XKR7: variants seen among roughly 807,000 people sequenced by gnomAD.
XKR7 encodes the protein XK-related protein 7.
Under a neutral mutation model 42.2 loss-of-function variants are expected in XKR7, and 11 were observed. The ratio of observed to expected loss-of-function variants is 0.26; its 90% CI spans 0.16 to 0.43. XKR7 has a LOEUF of 0.43. XKR7 is among the 20% of genes least tolerant of loss of function. The pLI is 1.00. For synonymous variants in XKR7, 346 were observed against 366.4 expected, an observed-to-expected ratio of 0.94 and a Z score of 0.64; for missense variants, 710 against 802.2, an observed-to-expected ratio of 0.89 and a Z score of 1.39.
chr20:31,976,848 C>T (rs949202095), intron 1 of XKR7, among the ~76,000 whole-genome samples: 2 of 152,208 alleles, frequency 1.3e-5, no homozygotes, highest in African/African-American at 2.4e-5. Context: ...CTGGCTTTCC[C>T]GCTGGATCAC....
Position 31,995,002 on chromosome 20 carries a change from G to A in XKR7, c.585-66G>A. ...TGCCCCCTGCGCCTGTGGGCGGCTC[G>A]GGGCTGGTGCGACAGAGCGAGAGGA... On this transcript the variant is annotated intron_variant, in intron 1 of 2. Transcript: ENST00000562532. The surrounding 1 kb of genome is among the most constrained non-coding windows in gnomAD (Gnocchi z 4.1). The A allele has an allele frequency of 9.2e-6, 14 of 1,527,602 alleles. No individual in the cohort carries two copies. The highest frequency in any genetic ancestry group is 2.4e-5 in the South Asian group (2 of 82,136). 94.6% of individuals were successfully genotyped at this position (1,527,602 alleles called of 1,614,324 possible). A position where few individuals can be genotyped will look rare whatever the true frequency, so the allele number is the denominator to read the frequency against.
At position 31,997,225 on chromosome 20, in the gene XKR7, T is replaced by C; in HGVS notation, c.1508T>C (p.Val503Ala). The change falls in exon 3 of 3, where the codon GTG (valine) becomes GCG (alanine). Residue 503 changes from valine (V) to alanine (A), a missense_variant. This residue lies in a region of XKR7 where 708 missense variants were observed against 786.2 expected (regional missense o/e 0.90). Coordinates refer to ENST00000562532, the MANE Select transcript of XKR7 (RefSeq NM_001011718.2). Reference protein sequence around the residue: ...AGTPTPPVFQVRPGLPPTPVA... With the variant: ...AGTPTPPVFQARPGLPPTPVA... Reference sequence around the variant, plus strand: ...ACCCCCACCCCACCTGTCTTCCAGGTGCGGCCTGGCTTGCCTCCCACACCA... The same window carrying C: ...ACCCCCACCCCACCTGTCTTCCAGGCGCGGCCTGGCTTGCCTCCCACACCA... 1 of 1,611,288 alleles carries C rather than the reference T, an allele frequency of 6.2e-7. No individual in the cohort carries two copies. Among genetic ancestry groups the C allele is most frequent in the Middle Eastern group, 1.6e-4 (1 of 6,062 alleles).
Position 31,999,036 on chromosome 20 carries a change from A to AC in XKR7, c.*1586dup, listed in dbSNP as rs750312160. 19,561 of 106,334 alleles carry AC rather than the reference A, an allele frequency of 0.18. 937 individuals carry two copies. The highest frequency in any genetic ancestry group is 0.28 in the Middle Eastern group (58 of 204). The allele number at this position is 106,334 out of a possible 1,614,324, so 6.6% of individuals were successfully genotyped here. On this transcript the variant is annotated 3_prime_UTR_variant, in exon 3 of 3. Transcript: ENST00000562532. ...GAGCTGGGAACCCAACCCACCCCCC[A>AC]CCCCCCCACACACACACTCCCACAG...
At chr20:31,985,494 G>A (rs2064533766) in intron 1 of XKR7, among the ~76,000 whole-genome samples, 1 of 151,902 alleles carries the variant, frequency 6.6e-6, no homozygotes, top group African/African-American at 2.4e-5. Flanking sequence ...ACCAAGCCAC[G>A]AGCTGAGCAA....
rs530229497 is a variant in XKR7, at chr20:31,997,227, C to G, written c.1510C>G (p.Arg504Gly). The G allele has an allele frequency of 1.9e-6, 3 of 1,611,210 alleles. No homozygotes were observed. The highest frequency in any genetic ancestry group is 2.2e-5 in the South Asian group (2 of 91,048). ...CCCCACCCCACCTGTCTTCCAGGTG[C>G]GGCCTGGCTTGCCTCCCACACCAGT... ...GTPTPPVFQV[R>G]PGLPPTPVAR... The change falls in exon 3 of 3, where the codon CGG becomes GGG. Residue 504 changes from arginine to glycine, a missense_variant. Around this residue, in one of 2 missense-constraint regions of XKR7, gnomAD observed 708 missense variants for 786.2 expected, o/e 0.90. Transcript: ENST00000562532.
chr20:32,003,150 C>T lies in XKR7; in HGVS notation c.*5693C>T, dbSNP rs923439560. ...GTCGTCTCTTCCTCCCTAACGGGCC[C>T]TCACCCCTGTCCTCTTCTGTTTCCT... On this transcript the variant is annotated 3_prime_UTR_variant, in exon 3 of 3. Coordinates refer to ENST00000562532, the MANE Select transcript of XKR7 (RefSeq NM_001011718.2). The T allele has an allele frequency of 1.3e-5, 2 of 152,374 alleles. No individual in the cohort carries two copies. The highest frequency in any genetic ancestry group is 2.9e-5 in the Non-Finnish European group (2 of 68,164). The allele number at this position is 152,374 out of a possible 1,614,324, so 9.4% of individuals were successfully genotyped here.
intron 1 of XKR7, chr20:31,970,696 TAGAA>T (rs2064461337): frequency 6.6e-6 from 1 of 152,208 alleles, no homozygotes; most frequent in African/African-American, 2.4e-5. Context: ...TGTAACAATT[TAGAA>T]AGAGTCTATG....
intron 1 of XKR7, among the ~76,000 whole-genome samples, chr20:31,973,668 A>G (rs1360638996): frequency 6.6e-6 from 1 of 151,942 alleles, no homozygotes; most frequent in Non-Finnish European, 1.5e-5. Context: ...CAGGCAAAGG[A>G]AAAGGGAAGG....
intron 1 of XKR7, among the ~76,000 whole-genome samples, chr20:31,985,218 C>T (rs1294404295): frequency 6.6e-6 from 1 of 152,122 alleles, no homozygotes; most frequent in Non-Finnish European, 1.5e-5. Flanking sequence ...GATCTGCAGA[C>T]CCTGGCCCGC....
rs1376877371 is a variant in XKR7, at chr20:32,002,963, T to C, written c.*5506T>C. 1 of 152,166 alleles carries C rather than the reference T, an allele frequency of 6.6e-6. No individual in the cohort carries two copies. The highest frequency in any genetic ancestry group is 6.5e-5 in the Admixed American group (1 of 15,284). The allele number at this position is 152,166 out of a possible 1,614,324, so 9.4% of individuals were successfully genotyped here. ...AGCCCAAGGTCACACAGCAAGTTGG[T>C]GGCAGGGTGAGACCAGAACCCGGTT... On this transcript the variant is annotated 3_prime_UTR_variant, in exon 3 of 3. Coordinates refer to ENST00000562532, the MANE Select transcript of XKR7 (RefSeq NM_001011718.2).
intron 1 of XKR7, among the ~76,000 whole-genome samples, chr20:31,993,069 C>A (rs1351982799): frequency 6.6e-6 from 1 of 151,406 alleles, no homozygotes; most frequent in Non-Finnish European, 1.5e-5. Context: ...GTCAGAGAAT[C>A]TGTGTAAGGG....
At chr20:31,988,456 A>G (rs2064553095) in intron 1 of XKR7, among the ~76,000 whole-genome samples, 2 of 152,098 alleles carry the variant, frequency 1.3e-5, no homozygotes, top group South Asian at 4.2e-4. Context: ...GAGGGATTTC[A>G]TACTCTAGCT....
At chr20:31,970,114 G>A (rs182001965) in intron 1 of XKR7, 3 of 152,336 alleles carry the variant, frequency 2.0e-5, no homozygotes, top group Admixed American at 1.3e-4. Context: ...TCCACACAAG[G>A]TGGTGTTATT....
intron 1 of XKR7, among the ~76,000 whole-genome samples, chr20:31,978,312 A>G (rs916396081): frequency 2.0e-5 from 3 of 151,890 alleles, no homozygotes; most frequent in African/African-American, 7.3e-5. Flanking sequence ...GTCTCACTAT[A>G]TTGCCCAGGC....
chr20:31,968,568 C>T lies in XKR7; in HGVS notation c.393C>T (p.Asp131=), dbSNP rs766506768. 5.0e-5 allele frequency: 80 copies of T among 1,610,286 alleles called. No homozygotes were observed. Among genetic ancestry groups the T allele is most frequent in the Non-Finnish European group, 6.5e-5 (77 of 1,178,936 alleles). Residue 131 remains aspartate (D), a synonymous_variant, in exon 1 of 3, where the codon GAC becomes GAT. Transcript: ENST00000562532. This position sits in a 1 kb window ranked among gnomAD's most constrained non-coding sequence, Gnocchi z 4.5. The part of the protein sequence containing the change: ...GSPGPAVSTK[D]SVAGGAAIST... ...CGGGACCCGCCGTCAGCACCAAGGA[C>T]AGCGTAGCCGGCGGAGCCGCCATCA...
chr20:31,973,721 A>G (rs928982959), intron 1 of XKR7, among the ~76,000 whole-genome samples: 7 of 152,114 alleles, frequency 4.6e-5, no homozygotes, highest in African/African-American at 1.7e-4. Flanking sequence ...TGAGGGGAGC[A>G]TGTTTGGAGA....
At chr20:31,972,173 T>C (rs2064468407) in intron 1 of XKR7, among the ~76,000 whole-genome samples, 1 of 152,088 alleles carries the variant, frequency 6.6e-6, no homozygotes, top group Non-Finnish European at 1.5e-5. Context: ...ACCTACCGTG[T>C]CCCCACAGGC....
rs533535077 is a variant in XKR7 at position 31,995,095 on chromosome 20, G to T, written c.612G>T (p.Leu204=). 37 of 1,554,186 alleles carry T rather than the reference G, an allele frequency of 2.4e-5. No homozygotes were observed. The African/African-American group carries it at 3.7e-4, about 15-fold the overall frequency. The part of the protein sequence containing the change: ...WRYLRALYLG[L]QSRWRGERLR... ...ACCTGCGCGCCCTGTACCTGGGGCT[G>T]CAGAGCCGCTGGCGCGGGGAGCGGC... The change falls in exon 2 of 3, where the codon CTG becomes CTT. Residue 204 remains leucine, a synonymous_variant. Transcript: ENST00000562532. This position sits in a 1 kb window ranked among gnomAD's most constrained non-coding sequence, Gnocchi z 4.1.
In XKR7 at chr20:31,993,629, A is replaced by G. The variant is rs373886600; in HGVS notation, c.585-1439A>G. Among the ~76,000 whole-genome samples, 307 of 152,250 alleles carry G rather than the reference A, an allele frequency of 2.0e-3. 7 individuals are homozygous for G. The South Asian group carries it at 0.06, about 30-fold the overall frequency. ...AAGCACACTTTCATTCATTCAGCCC[A>G]TATAGATTAAGCACCTACTGTGTGC... On this transcript the variant is annotated intron_variant, in intron 1 of 2. Coordinates refer to ENST00000562532, the MANE Select transcript of XKR7 (RefSeq NM_001011718.2).
Sources: gnomAD v4.1 joint callset for allele counts (sites outside exome capture counted in the v4.1 genomes callset) on GRCh38, gnomAD v4.1.1 for gene constraint, gnomAD v4.1.1 regional missense constraint, Gnocchi (gnomAD v3.1) non-coding constraint, MANE v1.5 for transcripts, NCBI Gene and HGNC (gene_info 2026-07-23, HGNC 2026-07-21) for gene names.